Variants in BMP6 observed in about 807,000 individuals in gnomAD.
BMP6 encodes the protein VG-1-R.
A neutral mutation model predicts 54.1 loss-of-function variants in BMP6; 17 were observed. The observed-to-expected ratio is 0.31, with a 90% CI of 0.22 to 0.47. The LOEUF (loss-of-function observed/expected upper bound fraction) is 0.47, where lower values mean the gene tolerates loss of function less well. Ranked by LOEUF, BMP6 falls within the 20% of genes least tolerant of loss-of-function variation. BMP6 has a pLI of 1.00. For synonymous variants in BMP6, 328 were observed against 291.2 expected (o/e 1.13, Z -1.28); for missense variants, 720 against 690.4 (o/e 1.04, Z -0.48).
chr6:7,780,566 G>A (rs554398707), intron 1 of BMP6, among the ~76,000 whole-genome samples: 1 of 151,642 alleles, frequency 6.6e-6, no homozygotes, highest in African/African-American at 2.4e-5. Context: ...AAAAAGCAAG[G>A]GAGACTCTTC....
At chr6:7,849,211 A>T (rs1324891536) in intron 2 of BMP6, among the ~76,000 whole-genome samples, 1 of 152,202 alleles carries the variant, frequency 6.6e-6, no homozygotes, top group African/African-American at 2.4e-5. Context: ...AAATGTTTTC[A>T]TAGGTAGTGA....
intron 1 of BMP6, among the ~76,000 whole-genome samples, chr6:7,772,878 C>A (rs1757811292): frequency 1.3e-5 from 2 of 152,174 alleles, no homozygotes; most frequent in African/African-American, 4.8e-5. Context: ...TTTTACTGAA[C>A]ATTTGATCTG....
chr6:7,739,096 T>C (rs923678732), intron 1 of BMP6, among the ~76,000 whole-genome samples: 1 of 152,234 alleles, frequency 6.6e-6, no homozygotes, highest in African/African-American at 2.4e-5. Context: ...TCCACATTGA[T>C]TTTGGGAAAT....
chr6:7,804,808 G>A (rs899546759), intron 1 of BMP6, among the ~76,000 whole-genome samples: 1 of 152,096 alleles, frequency 6.6e-6, no homozygotes, highest in Admixed American at 6.6e-5. Context: ...ACTACCTTCT[G>A]TACTGGATTG....
chr6:7,746,877 G>C (rs1319790400), intron 1 of BMP6, among the ~76,000 whole-genome samples: 1 of 152,210 alleles, frequency 6.6e-6, no homozygotes, highest in Non-Finnish European at 1.5e-5. Flanking sequence ...GAAATGACCA[G>C]ATTGAAATCC....
intron 1 of BMP6, among the ~76,000 whole-genome samples, chr6:7,812,900 C>T (rs1335985540): frequency 6.7e-6 from 1 of 150,186 alleles, no homozygotes; most frequent in Non-Finnish European, 1.5e-5. Context: ...CTGGGCTTTT[C>T]CTGGGCTACC....
chr6:7,833,139 C>T (rs1226178267), intron 1 of BMP6, among the ~76,000 whole-genome samples: 1 of 152,060 alleles, frequency 6.6e-6, no homozygotes, highest in Admixed American at 6.6e-5. Flanking sequence ...GGGTTTGAGA[C>T]ACTTCTAGAA....
At chr6:7,873,006 G>A (rs1297959019) in intron 4 of BMP6, among the ~76,000 whole-genome samples, 1 of 151,852 alleles carries the variant, frequency 6.6e-6, no homozygotes, top group African/African-American at 2.4e-5. Flanking sequence ...GACAGGGTCT[G>A]TGTTGCCCAG....
At chr6:7,833,354 G>C (rs1758820781) in intron 1 of BMP6, among the ~76,000 whole-genome samples, 1 of 152,196 alleles carries the variant, frequency 6.6e-6, no homozygotes, top group African/African-American at 2.4e-5. Flanking sequence ...GTTCTAGAAA[G>C]TAAAAGCAAC....
chr6:7,856,133 A>AAT (rs1215784661), intron 2 of BMP6, among the ~76,000 whole-genome samples: 52 of 151,038 alleles, frequency 3.4e-4, no homozygotes, highest in Admixed American at 1.1e-3. Context: ...AAAAAAAAAA[A>AAT]AAAAAAAAAA....
chr6:7,772,380 C>T lies in BMP6; in HGVS notation c.664+44761C>T, dbSNP rs111621685. Reference sequence around the variant, plus strand: ...ATTCAGAACCTGTCTTAAAGGCCCACGGCCCAATCTGTCAGTAATGAATTT... The same window carrying T: ...ATTCAGAACCTGTCTTAAAGGCCCATGGCCCAATCTGTCAGTAATGAATTT... On this transcript the variant is annotated intron_variant, in intron 1 of 6. Coordinates refer to ENST00000283147, the MANE Select transcript of BMP6 (RefSeq NM_001718.6). 9.8e-3 allele frequency among the ~76,000 whole-genome samples: 1,487 copies of T among 152,326 alleles called. 9 individuals carry two copies. Among genetic ancestry groups the T allele is most frequent in the Middle Eastern group, 0.024 (7 of 294 alleles).
At chr6:7,794,932 A>G (rs190529561) in intron 1 of BMP6, among the ~76,000 whole-genome samples, 187 of 152,334 alleles carry the variant, frequency 1.2e-3, no homozygotes, top group Admixed American at 9.2e-4. Flanking sequence ...TGAATCCTGG[A>G]AAGGCTCTCC....
At chr6:7,806,952 C>T (rs953646892) in intron 1 of BMP6, among the ~76,000 whole-genome samples, 5 of 152,156 alleles carry the variant, frequency 3.3e-5, no homozygotes, top group Admixed American at 6.5e-5. Context: ...ATCATACCAT[C>T]GAAATGAAAG....
At chr6:7,735,113 C>G (rs1182792900) in intron 1 of BMP6, among the ~76,000 whole-genome samples, 1 of 152,210 alleles carries the variant, frequency 6.6e-6, no homozygotes, top group Non-Finnish European at 1.5e-5. Flanking sequence ...AAACAGTGCC[C>G]CTCGGAGGCA....
chr6:7,733,571 AGGGTGTCACCT>A (rs1358425431), intron 1 of BMP6, among the ~76,000 whole-genome samples: 1 of 152,154 alleles, frequency 6.6e-6, no homozygotes, highest in African/African-American at 2.4e-5. Flanking sequence ...CTCCAGCCGC[AGGGTGTCACCT>A]GGGGGGCAGA....
At chr6:7,772,317 A>C (rs764330752) in intron 1 of BMP6, among the ~76,000 whole-genome samples, 1 of 152,232 alleles carries the variant, frequency 6.6e-6, no homozygotes, top group Non-Finnish European at 1.5e-5. Context: ...GCTTTCTCAC[A>C]TACAGAATTA....
intron 4 of BMP6, among the ~76,000 whole-genome samples, chr6:7,872,814 CT>C (rs55666956): frequency 1.8e-3 from 240 of 133,794 alleles, no homozygotes; most frequent in Non-Finnish European, 1.6e-3. Flanking sequence ...CTTTTTTTTT[CT>C]TTTTTTTTTT....
intron 4 of BMP6, among the ~76,000 whole-genome samples, chr6:7,868,200 T>C (rs1759456091): frequency 6.6e-6 from 1 of 152,226 alleles, no homozygotes; most frequent in Non-Finnish European, 1.5e-5. Context: ...AAATGGGGCC[T>C]TATGAGATCC....
At chr6:7,839,495 A>G (rs1002293738) in intron 1 of BMP6, among the ~76,000 whole-genome samples, 5 of 152,216 alleles carry the variant, frequency 3.3e-5, no homozygotes, top group Non-Finnish European at 7.3e-5. Context: ...CCCCTGGTAT[A>G]CCATTCTCCT....
Sources: allele counts gnomAD v4.1 joint callset (sites outside exome capture counted in the v4.1 genomes callset), GRCh38; gene constraint gnomAD v4.1.1; transcripts MANE v1.5; gene names NCBI Gene and HGNC (gene_info 2026-07-23, HGNC 2026-07-21).